POU2F3: variants seen among roughly 807,000 people sequenced by gnomAD.
POU2F3 encodes the protein POU domain, class 2, transcription factor 3.
A neutral mutation model predicts 59.2 loss-of-function variants in POU2F3; 23 were observed. The observed-to-expected ratio is 0.39, with a 90% CI of 0.28 to 0.55. The LOEUF is 0.55. POU2F3 is among the 20% of genes least tolerant of loss of function. POU2F3 has a pLI of 0.66. For synonymous variants in POU2F3, 190 were observed against 214.6 expected (o/e 0.89, Z 1.00); for missense variants, 473 against 544.5 (o/e 0.87, Z 1.31).
chr11:120,313,548 A>C (rs1282864742), intron 10 of POU2F3, among the ~76,000 whole-genome samples: 1 of 152,234 alleles, frequency 6.6e-6, no homozygotes, highest in Non-Finnish European at 1.5e-5. Flanking sequence ...CTGGAATAAA[A>C]TGATTAGCAG....
intron 2 of POU2F3, among the ~76,000 whole-genome samples, chr11:120,249,552 C>T (rs1333800092): frequency 6.6e-6 from 1 of 152,098 alleles, no homozygotes; most frequent in Non-Finnish European, 1.5e-5. Context: ...TTTCTGTTCT[C>T]AATTATGTGG....
At chr11:120,241,983 T>C (rs1938683356) in intron 1 of POU2F3, among the ~76,000 whole-genome samples, 1 of 152,166 alleles carries the variant, frequency 6.6e-6, no homozygotes, top group East Asian at 1.9e-4. Flanking sequence ...CTCCACCCTG[T>C]CCCTGTGAGC....
chr11:120,252,270 G>A (rs543847484), intron 2 of POU2F3, among the ~76,000 whole-genome samples: 2 of 145,380 alleles, frequency 1.4e-5, no homozygotes, highest in East Asian at 4.1e-4. Context: ...GTAATGGCAC[G>A]ATCTTGGCTC....
At chr11:120,283,072 T>C (rs1940637440) in intron 3 of POU2F3, among the ~76,000 whole-genome samples, 1 of 152,202 alleles carries the variant, frequency 6.6e-6, no homozygotes. Context: ...CAAGCTGGAC[T>C]TGGACTCTAA....
chr11:120,262,439 A>T (rs1157759148), intron 2 of POU2F3, among the ~76,000 whole-genome samples: 1 of 152,236 alleles, frequency 6.6e-6, no homozygotes, highest in Non-Finnish European at 1.5e-5. Flanking sequence ...AATTCTTGCC[A>T]TTCTCATTAC....
In POU2F3 at chr11:120,283,428, C is replaced by T. The variant is rs112063049; in HGVS notation, c.132+14184C>T. 4.4e-3 allele frequency among the ~76,000 whole-genome samples: 670 copies of T among 152,256 alleles called. 3 individuals carry two copies. The highest frequency in any genetic ancestry group is 6.3e-3 in the Non-Finnish European group (431 of 68,018). On this transcript the variant is annotated intron_variant, in intron 3 of 12. Transcript: ENST00000543440. Reference sequence around the variant, plus strand: ...CCCAGCAGCATCCAGTGGGCTGCCCCGTCCTGCTCAGGCAGGCCTCTGAGG... The same window carrying T: ...CCCAGCAGCATCCAGTGGGCTGCCCTGTCCTGCTCAGGCAGGCCTCTGAGG...
At chr11:120,290,830 G>A (rs565132094) in intron 3 of POU2F3, among the ~76,000 whole-genome samples, 16 of 152,344 alleles carry the variant, frequency 1.1e-4, no homozygotes, top group East Asian at 9.6e-4. Context: ...ATGGGCACGC[G>A]CGTGCACGCG....
rs187467592 is a variant in POU2F3, at chr11:120,281,653, G to A, written c.132+12409G>A. ...TCTTTCTTGGCAGCCCCTCCCCTGC[G>A]CTGGCATCTACTCATATTTCCTCCC... is the stretch of plus-strand genomic sequence containing the variant. On this transcript the variant is annotated intron_variant, in intron 3 of 12. Transcript: ENST00000543440. Among the ~76,000 whole-genome samples, 205 of 152,046 alleles carry A rather than the reference G, an allele frequency of 1.3e-3. 1 individual carries two copies. The highest frequency in any genetic ancestry group is 3.4e-3 in the Middle Eastern group (1 of 294).
At chr11:120,291,896 C>T (rs1294172109) in intron 3 of POU2F3, among the ~76,000 whole-genome samples, 3 of 151,884 alleles carry the variant, frequency 2.0e-5, no homozygotes, top group Non-Finnish European at 4.4e-5. Context: ...GCAAGCTCCA[C>T]CTCCCGGGTT....
At chr11:120,305,355 C>A in intron 7 of POU2F3, 143 bp downstream of exon 7, 2 of 1,015,232 alleles carry the variant, frequency 2.0e-6, no homozygotes, top group Non-Finnish European at 1.4e-6. Context: ...GAGAATAGGG[C>A]ACAGTTGCCA....
At chr11:120,318,130 C>T (rs371060943) in intron 12 of POU2F3, among the ~76,000 whole-genome samples, 2 of 152,142 alleles carry the variant, frequency 1.3e-5, no homozygotes, top group African/African-American at 2.4e-5. Context: ...AAAATTGTTT[C>T]GAGGTATAAT....
chr11:120,296,241 C>T (rs1454298082), intron 3 of POU2F3, among the ~76,000 whole-genome samples: 3 of 152,148 alleles, frequency 2.0e-5, no homozygotes, highest in Non-Finnish European at 2.9e-5. Flanking sequence ...TCATTGGAGG[C>T]TGTGGAGAAA....
chr11:120,289,825 G>A (rs1940958441), intron 3 of POU2F3, among the ~76,000 whole-genome samples: 2 of 152,074 alleles, frequency 1.3e-5, no homozygotes, highest in Non-Finnish European at 2.9e-5. Flanking sequence ...CTGACAAAGC[G>A]AATGGCAGCC....
intron 2 of POU2F3, among the ~76,000 whole-genome samples, chr11:120,262,684 T>G (rs1939649580): frequency 6.6e-6 from 1 of 152,236 alleles, no homozygotes; most frequent in Admixed American, 6.5e-5. Flanking sequence ...TATTCTTGGT[T>G]CCAGTTTGAG....
intron 3 of POU2F3, among the ~76,000 whole-genome samples, chr11:120,294,506 G>A (rs116054291): frequency 1.9e-3 from 289 of 152,262 alleles, no homozygotes; most frequent in African/African-American, 6.6e-3. Context: ...ATTTGCCTCC[G>A]GTTCTCACAT....
chr11:120,236,702 G>A (rs882856), upstream of POU2F3: 965,033 of 1,493,968 alleles, frequency 0.65, 334,428 homozygotes, highest in Non-Finnish European at 0.72. Context: ...GCTAAAGGAG[G>A]AAGGGGTAAA....
chr11:120,245,229 G>A (rs141081436), intron 1 of POU2F3, among the ~76,000 whole-genome samples: 8 of 152,224 alleles, frequency 5.3e-5, no homozygotes, highest in South Asian at 4.2e-4. Context: ...CACCTCGGCC[G>A]GAGCCACACA....
chr11:120,276,756 C>T (rs548754060), intron 3 of POU2F3, among the ~76,000 whole-genome samples: 11 of 152,176 alleles, frequency 7.2e-5, no homozygotes, highest in African/African-American at 2.2e-4. Context: ...GTTGGAGATA[C>T]GGTTTTGATG....
chr11:120,240,006 C>A (rs938833704), upstream of POU2F3, among the ~76,000 whole-genome samples: 19 of 152,236 alleles, frequency 1.2e-4, no homozygotes, highest in Admixed American at 1.0e-3. Flanking sequence ...CCGGCAGCAC[C>A]CCCGGCCCCC....
Sources: allele counts gnomAD v4.1 joint callset (sites outside exome capture counted in the v4.1 genomes callset), GRCh38; gene constraint gnomAD v4.1.1; transcripts MANE v1.5; gene names NCBI Gene and HGNC (gene_info 2026-07-23, HGNC 2026-07-21).